Variants in SLC4A4 observed in about 807,000 individuals in gnomAD.
The protein encoded by SLC4A4 is solute carrier family 4 member 4, also known as electrogenic sodium bicarbonate cotransporter 1.
In SLC4A4, 27 loss-of-function variants were observed where a neutral mutation model predicts 111.5. The ratio of observed to expected loss-of-function variants is 0.24; its 90% CI spans 0.18 to 0.33. SLC4A4 has a LOEUF of 0.33. Among genes scored for constraint, SLC4A4 ranks in the 10% least tolerant of loss-of-function variants. The pLI, the probability that SLC4A4 is intolerant of heterozygous loss-of-function variation, is 1.00. For missense variants in SLC4A4, 909 were observed against 1,315.5 expected, an observed-to-expected ratio of 0.69 and a Z score of 4.78; for synonymous variants, 443 against 463.4, an observed-to-expected ratio of 0.96 and a Z score of 0.57.
At chr4:71,467,026 A>T (rs568600414) in intron 13 of SLC4A4, among the ~76,000 whole-genome samples, 1 of 149,162 alleles carries the variant, frequency 6.7e-6, no homozygotes, top group African/African-American at 2.4e-5. Flanking sequence ...TTGTTTTAGC[A>T]CAGCATTCTG....
intron 20 of SLC4A4, among the ~76,000 whole-genome samples, chr4:71,554,923 A>G (rs16846572): frequency 0.011 from 1,681 of 151,906 alleles, 35 homozygotes; most frequent in African/African-American, 0.039. Flanking sequence ...CAAGCATCCA[A>G]TGAAAATTGA....
intron 7 of SLC4A4, among the ~76,000 whole-genome samples, chr4:71,430,379 C>G (rs1723527473): frequency 6.6e-6 from 1 of 152,016 alleles, no homozygotes; most frequent in Non-Finnish European, 1.5e-5. Flanking sequence ...TAATCTGATT[C>G]TGTATCATAA....
intron 2 of SLC4A4, among the ~76,000 whole-genome samples, chr4:71,175,411 G>C (rs192138057): frequency 6.6e-6 from 1 of 152,370 alleles, no homozygotes; most frequent in African/African-American, 2.4e-5. Flanking sequence ...CAATGGGTCA[G>C]GGAATTCCCT....
chr4:71,261,771 C>A (rs1194591302), intron 3 of SLC4A4, among the ~76,000 whole-genome samples: 1 of 152,116 alleles, frequency 6.6e-6, no homozygotes, highest in Non-Finnish European at 1.5e-5. Context: ...AATAGTTATT[C>A]CATGTTATCA....
intron 16 of SLC4A4, among the ~76,000 whole-genome samples, chr4:71,508,494 C>G (rs868838921): frequency 6.6e-6 from 1 of 152,030 alleles, no homozygotes. Context: ...TATGCACATA[C>G]ACTAGGAAGT....
At chr4:71,389,984 C>T (rs1719112270) in intron 6 of SLC4A4, among the ~76,000 whole-genome samples, 1 of 152,122 alleles carries the variant, frequency 6.6e-6, no homozygotes, top group Non-Finnish European at 1.5e-5. Context: ...CCAAAGGGCA[C>T]CTTCTGACTG....
At chr4:71,241,546 G>T (rs1206249423) in intron 2 of SLC4A4, among the ~76,000 whole-genome samples, 4 of 152,074 alleles carry the variant, frequency 2.6e-5, no homozygotes, top group Non-Finnish European at 4.4e-5. Flanking sequence ...TATTACAATG[G>T]TATAAAACGT....
chr4:71,430,062 CAG>C (rs1723499809), intron 7 of SLC4A4, among the ~76,000 whole-genome samples: 1 of 152,204 alleles, frequency 6.6e-6, no homozygotes, highest in African/African-American at 2.4e-5. Context: ...ATGTGTGAAT[CAG>C]TGTTTGATGA....
chr4:71,522,924 A>G (rs901744063), intron 16 of SLC4A4, among the ~76,000 whole-genome samples: 23 of 152,166 alleles, frequency 1.5e-4, no homozygotes, highest in African/African-American at 5.5e-4. Flanking sequence ...GTTTTTATTG[A>G]TGTAAGACAC....
chr4:71,382,510 C>G (rs972673238), intron 6 of SLC4A4, among the ~76,000 whole-genome samples: 1 of 152,170 alleles, frequency 6.6e-6, no homozygotes, highest in Non-Finnish European at 1.5e-5. Flanking sequence ...ACAATCCTCA[C>G]GCTTTTTCTT....
At chr4:71,474,380 A>C (rs759649277) in intron 14 of SLC4A4, among the ~76,000 whole-genome samples, 17 of 151,920 alleles carry the variant, frequency 1.1e-4, no homozygotes, top group Non-Finnish European at 2.2e-4. Context: ...CTTAATGTTT[A>C]CCGTAAAACA....
intron 6 of SLC4A4, among the ~76,000 whole-genome samples, chr4:71,391,963 T>C (rs1347643591): frequency 1.3e-5 from 2 of 152,090 alleles, no homozygotes; most frequent in Non-Finnish European, 2.9e-5. Context: ...TGCAGTATAA[T>C]GTGTTTACAT....
chr4:71,132,320 T>C (rs890632613), intron 2 of SLC4A4, among the ~76,000 whole-genome samples: 2 of 152,160 alleles, frequency 1.3e-5, no homozygotes, highest in African/African-American at 4.8e-5. Context: ...GGCTCTAAAA[T>C]GTATATCAGC....
intron 6 of SLC4A4, among the ~76,000 whole-genome samples, chr4:71,374,130 G>C (rs1475474200): frequency 6.6e-6 from 1 of 151,974 alleles, no homozygotes; most frequent in Non-Finnish European, 1.5e-5. Flanking sequence ...ACTTTCTTTT[G>C]AGGTGGAGAA....
Position 71,350,083 on chromosome 4 carries a change from T to C in SLC4A4, c.550+11T>C. On this transcript the variant is annotated intron_variant, in intron 5 of 25. Coordinates refer to ENST00000264485, the MANE Select transcript of SLC4A4 (RefSeq NM_001098484.3). ...TCCCACAGTTGGTGGGTAAGTATGC[T>C]GTTTGAATTTTATCCTATTTTTTTC... The C allele has an allele frequency of 6.2e-7, 1 of 1,613,956 alleles. No individual in the cohort carries two copies. The highest frequency in any genetic ancestry group is 1.1e-5 in the South Asian group (1 of 91,082).
intron 12 of SLC4A4, among the ~76,000 whole-genome samples, chr4:71,458,224 G>C (rs549274351): frequency 2.7e-4 from 41 of 152,138 alleles, no homozygotes; most frequent in African/African-American, 9.6e-4. Context: ...TCAAAGTACT[G>C]TCTGAATGGA....
chr4:71,407,809 T>C (rs140804665), intron 7 of SLC4A4, among the ~76,000 whole-genome samples: 10 of 152,028 alleles, frequency 6.6e-5, no homozygotes, highest in Admixed American at 5.2e-4. Context: ...TAGTGTGACA[T>C]GTAGAATTAG....
chr4:71,332,790 C>G (rs530845212), intron 3 of SLC4A4, among the ~76,000 whole-genome samples: 2 of 152,208 alleles, frequency 1.3e-5, no homozygotes, highest in Non-Finnish European at 2.9e-5. Flanking sequence ...CTTAAGTCTG[C>G]TGTTGAGAGA....
In SLC4A4 at chr4:71,476,640, T is replaced by C. The variant is rs80282337; in HGVS notation, c.1903+3670T>C. Among the ~76,000 whole-genome samples, 849 of 151,896 alleles carry C rather than the reference T, an allele frequency of 5.6e-3. 7 individuals carry two copies. The highest frequency in any genetic ancestry group is 0.02 in the African/African-American group (810 of 41,508). ...AACACTTCCTTTTCTCTTTTTTTCT[T>C]TCGTCTTCTCACTTGCTTCCAAAAA... On this transcript the variant is annotated intron_variant, in intron 14 of 25. Transcript: ENST00000264485.
Sources: allele counts gnomAD v4.1 joint callset (sites outside exome capture counted in the v4.1 genomes callset), GRCh38; gene constraint gnomAD v4.1.1; transcripts MANE v1.5; gene names NCBI Gene and HGNC (gene_info 2026-07-23, HGNC 2026-07-21).